SH3RF1: variants seen among roughly 807,000 people sequenced by gnomAD.
SH3RF1 encodes the protein SH3 domain containing ring finger 1.
A neutral mutation model predicts 74.0 loss-of-function variants in SH3RF1; 32 were observed. That is an observed-to-expected ratio of 0.43 (90% CI 0.33 to 0.58). SH3RF1 has a LOEUF of 0.58. SH3RF1 is among the 20% of genes least tolerant of loss of function. The pLI is 0.05. For missense variants in SH3RF1, 954 were observed against 1,130.9 expected (o/e 0.84, Z 2.24); for synonymous variants, 396 against 439.6 (o/e 0.90, Z 1.24).
intron 10 of SH3RF1, among the ~76,000 whole-genome samples, chr4:169,108,700 T>G (rs910435922): frequency 1.3e-5 from 2 of 152,238 alleles, no homozygotes; most frequent in African/African-American, 4.8e-5. Context: ...CGCTTTCGCT[T>G]CACTCATTCA....
Position 169,136,362 on chromosome 4 carries a change from G to A in SH3RF1, c.1024C>T (p.Arg342Trp), listed in dbSNP as rs753491215. The A allele has an allele frequency of 1.6e-5, 25 of 1,567,606 alleles. No homozygotes were observed. Among genetic ancestry groups the A allele is most frequent in the African/African-American group, 2.7e-5 (2 of 73,144 alleles). ...ISSSNPTAAA[R>W]ISELSGLSCS... ...GAGAGCCCAGACAGCTCGCTGATCC[G>A]TGCAGCAGCAGTGGGGTTGCTGGAG... is the stretch of plus-strand genomic sequence containing the variant. Residue 342 changes from arginine (R) to tryptophan (W), a missense_variant, in exon 5 of 12, where the codon CGG becomes TGG. Physicochemically the swap from Arg to Trp is moderately radical, Grantham distance 101. This residue lies in a region of SH3RF1 where 854 missense variants were observed against 962.5 expected (regional missense o/e 0.89). Coordinates refer to ENST00000284637, the MANE Select transcript of SH3RF1 (RefSeq NM_020870.4).
chr4:169,154,667 TC>T (rs1734025214), intron 4 of SH3RF1, among the ~76,000 whole-genome samples: 1 of 152,212 alleles, frequency 6.6e-6, no homozygotes, highest in African/African-American at 2.4e-5. Flanking sequence ...CACACAGATA[TC>T]TACTAAGACC....
At chr4:169,219,278 T>C (rs1730522792) in intron 2 of SH3RF1, among the ~76,000 whole-genome samples, 1 of 152,192 alleles carries the variant, frequency 6.6e-6, no homozygotes, top group African/African-American at 2.4e-5. Flanking sequence ...AGAGGGTTAA[T>C]TTATGCCAAA....
At chr4:169,237,107 C>T (rs1281843815) in intron 2 of SH3RF1, among the ~76,000 whole-genome samples, 1 of 152,162 alleles carries the variant, frequency 6.6e-6, no homozygotes, top group African/African-American at 2.4e-5. Context: ...AAATGTGGTG[C>T]CAACTGGCTG....
intron 11 of SH3RF1, among the ~76,000 whole-genome samples, chr4:169,100,717 C>T (rs1350416318): frequency 6.6e-6 from 1 of 152,184 alleles, no homozygotes; most frequent in African/African-American, 2.4e-5. Flanking sequence ...TTTACAATGC[C>T]TGTGAGCAAG....
At chr4:169,137,468 A>G (rs935403555) in intron 4 of SH3RF1, among the ~76,000 whole-genome samples, 1 of 152,210 alleles carries the variant, frequency 6.6e-6, no homozygotes, top group Non-Finnish European at 1.5e-5. Context: ...AGCTGCATAT[A>G]ACTTTCCCAG....
intron 2 of SH3RF1, among the ~76,000 whole-genome samples, chr4:169,188,187 A>C: frequency 6.6e-6 from 1 of 152,194 alleles, no homozygotes; most frequent in East Asian, 1.9e-4. Flanking sequence ...TTAATCTACA[A>C]AGTTTTTGGT....
At chr4:169,250,836 A>G (rs938254466) in intron 2 of SH3RF1, among the ~76,000 whole-genome samples, 5 of 152,220 alleles carry the variant, frequency 3.3e-5, no homozygotes, top group African/African-American at 1.2e-4. Flanking sequence ...GTGGTCACAG[A>G]AGACCCTTAT....
At chr4:169,204,739 C>T (rs1000135521) in intron 2 of SH3RF1, among the ~76,000 whole-genome samples, 3 of 151,842 alleles carry the variant, frequency 2.0e-5, no homozygotes, top group Non-Finnish European at 4.4e-5. Flanking sequence ...TTAGTAGAGA[C>T]GGGGTTTCAC....
chr4:169,105,195 T>C lies in SH3RF1; in HGVS notation c.2498+1652A>G, dbSNP rs147237924. 7.6e-3 allele frequency among the ~76,000 whole-genome samples: 1,156 copies of C among 152,258 alleles called. 38 individuals are homozygous for C. Among genetic ancestry groups the C allele is most frequent in the Admixed American group, 0.047 (716 of 15,298 alleles). The stretch of plus-strand genomic sequence containing the variant: ...TACCTCCACAAAGCAGAAATTTGCT[T>C]TATTTATGAAATGCAGGCACAGAGG... On this transcript the variant is annotated intron_variant, in intron 11 of 11. Coordinates refer to ENST00000284637, the MANE Select transcript of SH3RF1 (RefSeq NM_020870.4).
chr4:169,160,479 G>A (rs760978744), intron 2 of SH3RF1, among the ~76,000 whole-genome samples: 3 of 152,178 alleles, frequency 2.0e-5, no homozygotes, highest in African/African-American at 7.2e-5. Context: ...TTACATTTCC[G>A]TGATGCAACT....
intron 2 of SH3RF1, among the ~76,000 whole-genome samples, chr4:169,185,872 G>A (rs1490528853): frequency 2.0e-5 from 3 of 152,206 alleles, no homozygotes; most frequent in South Asian, 2.1e-4. Context: ...ACTACACAGC[G>A]TAATCAAGAA....
rs376131621 is a variant in SH3RF1 at position 169,117,693 on chromosome 4, G to T, written c.1607C>A (p.Ala536Glu). 6.2e-6 allele frequency: 10 copies of T among 1,614,058 alleles called. No individual in the cohort carries two copies. The African/African-American group carries it at 1.3e-4, about 22-fold the overall frequency. The change falls in exon 9 of 12, where the codon GCA becomes GAA. Residue 536 changes from alanine to glutamate, a missense_variant. Physicochemically the swap from Ala to Glu is moderately radical, Grantham distance 107. Coordinates refer to ENST00000284637, the MANE Select transcript of SH3RF1 (RefSeq NM_020870.4). ...RGVTMVSPST[A>E]GGPAQKLQGN... ...CTGGAGCTTCTGGGCAGGCCCTCCT[G>T]CCGTGGAAGGACTGACCATGGTCAC...
chr4:169,195,229 G>A (rs1029473803), intron 2 of SH3RF1, among the ~76,000 whole-genome samples: 2 of 152,170 alleles, frequency 1.3e-5, no homozygotes, highest in African/African-American at 2.4e-5. Context: ...AGATATTAAA[G>A]ATGTTGTTCC....
intron 2 of SH3RF1, among the ~76,000 whole-genome samples, chr4:169,205,936 A>C (rs1730250524): frequency 6.6e-6 from 1 of 152,262 alleles, no homozygotes; most frequent in African/African-American, 2.4e-5. Flanking sequence ...GGGGACATTT[A>C]CATTTTGGGC....
At chr4:169,260,185 C>T (rs151231937) in intron 2 of SH3RF1, among the ~76,000 whole-genome samples, 1 of 152,332 alleles carries the variant, frequency 6.6e-6, no homozygotes, top group East Asian at 1.9e-4. Flanking sequence ...GGGGCTTGAA[C>T]TGACATACTG....
intron 2 of SH3RF1, among the ~76,000 whole-genome samples, chr4:169,158,098 C>G (rs1474902588): frequency 6.6e-6 from 1 of 152,208 alleles, no homozygotes; most frequent in African/African-American, 2.4e-5. Context: ...AAGAATAAGA[C>G]AGTTCTTTTC....
At chr4:169,240,779 T>C (rs934972148) in intron 2 of SH3RF1, among the ~76,000 whole-genome samples, 26 of 152,324 alleles carry the variant, frequency 1.7e-4, no homozygotes, top group Admixed American at 1.6e-3. Context: ...ACAGTCACCA[T>C]GCTGCACTTG....
At chr4:169,190,554 AGC>A (rs1332899371) in intron 2 of SH3RF1, among the ~76,000 whole-genome samples, 1 of 151,970 alleles carries the variant, frequency 6.6e-6, no homozygotes, top group Non-Finnish European at 1.5e-5. Flanking sequence ...ACAAATAACA[AGC>A]AGAGAGACTG....
Sources: allele counts gnomAD v4.1 joint callset (sites outside exome capture counted in the v4.1 genomes callset), GRCh38; gene constraint gnomAD v4.1.1; regional missense constraint gnomAD v4.1.1; transcripts MANE v1.5; gene names NCBI Gene and HGNC (gene_info 2026-07-23, HGNC 2026-07-21).